The following ZMYM4 variants were observed in gnomAD, a reference collection of about 807,000 sequenced individuals.
The protein encoded by ZMYM4 is zinc finger MYM-type containing 4.
ZMYM4 carries 31 observed loss-of-function variants against 183.2 expected under a neutral mutation model. The ratio of observed to expected loss-of-function variants is 0.17; its 90% CI spans 0.13 to 0.23. ZMYM4 has a LOEUF of 0.23. Ranked by LOEUF, ZMYM4 falls within the 10% of genes least tolerant of loss-of-function variation. ZMYM4 has a pLI of 1.00. For synonymous variants in ZMYM4, 592 were observed against 631.2 expected (o/e 0.94, Z 0.93); for missense variants, 1,273 against 1,840.3 (o/e 0.69, Z 5.64).
At chr1:35,382,805 TAAAA>T (rs968179996) in intron 9 of ZMYM4, among the ~76,000 whole-genome samples, 1 of 151,224 alleles carries the variant, frequency 6.6e-6, no homozygotes, top group Non-Finnish European at 1.5e-5. Context: ...TTTTGAAAGT[TAAAA>T]AAAAACATGA....
intron 1 of ZMYM4, among the ~76,000 whole-genome samples, chr1:35,302,180 C>T (rs1641309138): frequency 6.8e-6 from 1 of 146,296 alleles, no homozygotes; most frequent in African/African-American, 2.6e-5. Flanking sequence ...GTATTATCCA[C>T]AAGCTAAAAA....
intron 28 of ZMYM4, among the ~76,000 whole-genome samples, chr1:35,416,844 G>T (rs138758674): frequency 4.7e-4 from 71 of 152,264 alleles, no homozygotes; most frequent in African/African-American, 1.6e-3. Context: ...GATTACAGGC[G>T]TGAGCCACCA....
At chr1:35,373,784 G>A (rs1644271980) in intron 7 of ZMYM4, among the ~76,000 whole-genome samples, 2 of 148,952 alleles carry the variant, frequency 1.3e-5, no homozygotes, top group African/African-American at 4.9e-5. Flanking sequence ...TGATCCACCC[G>A]CCTCAATCTC....
chr1:35,280,166 TCCTC>T (rs1268955436), intron 1 of ZMYM4, among the ~76,000 whole-genome samples: 1 of 149,602 alleles, frequency 6.7e-6, no homozygotes, highest in African/African-American at 2.5e-5. Context: ...CTTCCTCCCT[TCCTC>T]CCTTCCCCCC....
intron 1 of ZMYM4, among the ~76,000 whole-genome samples, chr1:35,275,418 AGGGTTT>A (rs1298635373): frequency 6.6e-6 from 1 of 151,782 alleles, no homozygotes; most frequent in Non-Finnish European, 1.5e-5. Context: ...ATTTTTAGAC[AGGGTTT>A]CACCATGTTG....
chr1:35,398,317 T>G, intron 20 of ZMYM4, 96 bp from the exon 21 acceptor site: 1 of 1,030,632 alleles, frequency 9.7e-7, no homozygotes, highest in African/African-American at 1.6e-5. Flanking sequence ...ACTTAGAACT[T>G]TGTAGTATGA....
At chr1:35,323,137 G>A (rs1040255925) in intron 1 of ZMYM4, among the ~76,000 whole-genome samples, 7 of 151,842 alleles carry the variant, frequency 4.6e-5, no homozygotes, top group African/African-American at 1.7e-4. Flanking sequence ...AAGTAGCTGG[G>A]ATTACAGGTG....
In ZMYM4 at chr1:35,373,962, A is replaced by T. The variant is rs150923144; in HGVS notation, c.1181+3335A>T. 5.4e-4 allele frequency among the ~76,000 whole-genome samples: 81 copies of T among 149,156 alleles called. 1 individual carries two copies. In the East Asian group the frequency reaches 0.014, roughly 25 times the overall value. On this transcript the variant is annotated intron_variant, in intron 7 of 29. Transcript: ENST00000314607. ...GTAAAATGTACTTTTAAAAATGAGT[A>T]CTTAGGTATATATCCTGTCTCTAAT...
Position 35,352,313 on chromosome 1 carries a change from A to G in ZMYM4, c.86-6612A>G, listed in dbSNP as rs560035538. ...CACACACACACACACACACACAGCC[A>G]AAGTCCAAAAAACAAAAACCAGACT... On this transcript the variant is annotated intron_variant, in intron 2 of 29. Transcript: ENST00000314607. Among the ~76,000 whole-genome samples, 3 of 147,450 alleles carry G rather than the reference A, an allele frequency of 2.0e-5. No homozygotes were observed. In the East Asian group the frequency reaches 6.0e-4, roughly 29 times the overall value.
chr1:35,285,729 C>A (rs1640450014), intron 1 of ZMYM4, among the ~76,000 whole-genome samples: 1 of 152,130 alleles, frequency 6.6e-6, no homozygotes, highest in South Asian at 2.1e-4. Flanking sequence ...GGGACTTGAG[C>A]ATTCAAGGAT....
In ZMYM4 at chr1:35,367,802, C is replaced by G. The variant is rs548379523; in HGVS notation, c.841-2227C>G. Reference sequence around the variant, plus strand: ...ACCAGCCTGGCCAACATGTTGAAACCCCATCTCTACTAAAAATACAAAAAT... The same window carrying G: ...ACCAGCCTGGCCAACATGTTGAAACGCCATCTCTACTAAAAATACAAAAAT... On this transcript the variant is annotated intron_variant, in intron 5 of 29. Transcript: ENST00000314607. Among the ~76,000 whole-genome samples the G allele has an allele frequency of 1.8e-4, 28 of 151,872 alleles. 1 individual carries two copies. The East Asian group carries it at 4.9e-3, about 26-fold the overall frequency.
intron 1 of ZMYM4, among the ~76,000 whole-genome samples, chr1:35,281,041 T>C (rs1408077828): frequency 6.6e-6 from 1 of 152,104 alleles, no homozygotes; most frequent in Non-Finnish European, 1.5e-5. Flanking sequence ...TCCCAGCACA[T>C]TGAGAGGCCA....
Position 35,415,447 on chromosome 1 carries a change from T to G in ZMYM4, c.4061-19T>G. On this transcript the variant is annotated intron_variant, in intron 27 of 29. Coordinates refer to ENST00000314607, the MANE Select transcript of ZMYM4 (RefSeq NM_005095.3). Reference sequence around the variant, plus strand: ...AGCAGGAGCTCAGTACTGTTTCTTGTACCCCTTCTTCTGTCTAGGTTACAT... The same window carrying G: ...AGCAGGAGCTCAGTACTGTTTCTTGGACCCCTTCTTCTGTCTAGGTTACAT... 6 of 1,614,076 alleles carry G rather than the reference T, an allele frequency of 3.7e-6. No individual in the cohort carries two copies. The highest frequency in any genetic ancestry group is 5.1e-6 in the Non-Finnish European group (6 of 1,179,954).
At chr1:35,353,023 A>T (rs1479374219) in intron 2 of ZMYM4, among the ~76,000 whole-genome samples, 1 of 152,138 alleles carries the variant, frequency 6.6e-6, no homozygotes, top group African/African-American at 2.4e-5. Flanking sequence ...CCATCCCAAA[A>T]CCAAATTATT....
chr1:35,373,722 A>G (rs1190809317), intron 7 of ZMYM4, among the ~76,000 whole-genome samples: 1 of 149,192 alleles, frequency 6.7e-6, no homozygotes, highest in Middle Eastern at 3.2e-3. Context: ...TATGTTTAGT[A>G]GAGGCAGAGT....
At chr1:35,397,931 TGATA>T (rs761847592) in intron 20 of ZMYM4, among the ~76,000 whole-genome samples, 179 of 152,320 alleles carry the variant, frequency 1.2e-3, no homozygotes, top group Non-Finnish European at 2.2e-3. Flanking sequence ...TCAAAATAAC[TGATA>T]GATAGATCTC....
At chr1:35,412,659 ACTTTTT>A (rs1205033754) in intron 26 of ZMYM4, among the ~76,000 whole-genome samples, 3 of 152,140 alleles carry the variant, frequency 2.0e-5, no homozygotes, top group African/African-American at 4.8e-5. Flanking sequence ...TGAATAGTCT[ACTTTTT>A]CTTTATTTTG....
intron 1 of ZMYM4, among the ~76,000 whole-genome samples, chr1:35,300,503 CTTTT>C (rs1641232093): frequency 6.6e-6 from 1 of 152,072 alleles, no homozygotes. Flanking sequence ...TTTTCAAAAT[CTTTT>C]TGTCTTCTCC....
chr1:35,346,319 C>G (rs1397504329), intron 2 of ZMYM4, among the ~76,000 whole-genome samples: 4 of 152,150 alleles, frequency 2.6e-5, no homozygotes, highest in South Asian at 2.1e-4. Flanking sequence ...TAGTGCCTAA[C>G]TTACAATTTC....
Sources: allele counts gnomAD v4.1 joint callset (sites outside exome capture counted in the v4.1 genomes callset), GRCh38; gene constraint gnomAD v4.1.1; transcripts MANE v1.5; gene names NCBI Gene and HGNC (gene_info 2026-07-23, HGNC 2026-07-21).